The following EXOC4 variants were observed in gnomAD, a reference collection of about 807,000 sequenced individuals.
The protein encoded by EXOC4 is exocyst complex component 4.
In EXOC4, 71 loss-of-function variants were observed where a neutral mutation model predicts 107.2. The observed-to-expected ratio is 0.66, with a 90% CI of 0.55 to 0.81. EXOC4 has a LOEUF of 0.81. EXOC4 is among the 30% of genes least tolerant of loss of function. The pLI, the probability that EXOC4 is intolerant of heterozygous loss-of-function variation, is 0.00. For missense variants in EXOC4, 1,108 were observed against 1,189.6 expected (o/e 0.93, Z 1.01); for synonymous variants, 456 against 441.2 (o/e 1.03, Z -0.42).
chr7:133,467,787 A>G (rs1471658418), intron 7 of EXOC4, among the ~76,000 whole-genome samples: 3 of 151,834 alleles, frequency 2.0e-5, no homozygotes, highest in Non-Finnish European at 4.4e-5. Context: ...CACACATTCT[A>G]AGATTCAATT....
At chr7:133,790,105 C>T (rs560174780) in intron 10 of EXOC4, among the ~76,000 whole-genome samples, 1 of 152,350 alleles carries the variant, frequency 6.6e-6, no homozygotes, top group African/African-American at 2.4e-5. Context: ...AGAACCTGAT[C>T]TTCCCAGCAG....
At chr7:133,388,234 T>C (rs1796772348) in intron 7 of EXOC4, among the ~76,000 whole-genome samples, 1 of 152,224 alleles carries the variant, frequency 6.6e-6, no homozygotes, top group South Asian at 2.1e-4. Context: ...TGACTGATAC[T>C]GTTTTCTATC....
chr7:134,023,497 T>C (rs771657159), intron 17 of EXOC4, among the ~76,000 whole-genome samples: 3 of 152,200 alleles, frequency 2.0e-5, no homozygotes, highest in African/African-American at 4.8e-5. Flanking sequence ...GTATAACTTA[T>C]GTGATTTACA....
intron 10 of EXOC4, among the ~76,000 whole-genome samples, chr7:133,787,725 A>G (rs1001172234): frequency 1.4e-4 from 21 of 151,112 alleles, no homozygotes; most frequent in African/African-American, 5.1e-4. Flanking sequence ...GTTTGTTCTC[A>G]TAAGGGCACT....
intron 10 of EXOC4, among the ~76,000 whole-genome samples, chr7:133,666,400 G>T (rs1299018847): frequency 6.6e-6 from 1 of 152,104 alleles, no homozygotes; most frequent in African/African-American, 2.4e-5. Context: ...CTGGTGTACA[G>T]ATTGATAGCC....
At chr7:133,651,920 T>C (rs1382393656) in intron 10 of EXOC4, among the ~76,000 whole-genome samples, 1 of 152,202 alleles carries the variant, frequency 6.6e-6, no homozygotes, top group Non-Finnish European at 1.5e-5. Flanking sequence ...CCTCAGGTGA[T>C]CTGCCTGCCT....
the EXOC4 span, among the ~76,000 whole-genome samples, chr7:134,084,794 A>G: frequency 6.6e-6 from 1 of 152,080 alleles, no homozygotes; most frequent in Admixed American, 6.6e-5. Flanking sequence ...TAAAAGAAAA[A>G]CTTCAGCCAA....
intron 17 of EXOC4, among the ~76,000 whole-genome samples, chr7:134,050,137 A>G (rs895941302): frequency 2.0e-5 from 3 of 152,238 alleles, no homozygotes; most frequent in East Asian, 1.9e-4. Context: ...GACTGCTTCT[A>G]TATGTATAAA....
chr7:133,462,596 T>G (rs1229082605), intron 7 of EXOC4, among the ~76,000 whole-genome samples: 1 of 152,188 alleles, frequency 6.6e-6, no homozygotes, highest in Non-Finnish European at 1.5e-5. Context: ...AACATCTGAA[T>G]GGAGGAAAAG....
intron 9 of EXOC4, among the ~76,000 whole-genome samples, chr7:133,487,737 G>A (rs922755539): frequency 2.6e-5 from 4 of 151,996 alleles, no homozygotes; most frequent in Admixed American, 6.6e-5. Context: ...CAAAAAAAAC[G>A]AAATTTGTGT....
intron 7 of EXOC4, among the ~76,000 whole-genome samples, chr7:133,462,370 A>T (rs767420772): frequency 1.3e-5 from 2 of 152,216 alleles, no homozygotes; most frequent in African/African-American, 2.4e-5. Flanking sequence ...CCAGCATGTT[A>T]CAGATTTACA....
intron 3 of EXOC4, 110 bp downstream of exon 3, chr7:133,289,226 G>A: frequency 2.3e-6 from 2 of 877,790 alleles, no homozygotes; most frequent in Non-Finnish European, 1.7e-6. Flanking sequence ...CTGCCCTCTT[G>A]GGATTCATGA....
At chr7:133,630,581 A>G (rs1585042914) in intron 10 of EXOC4, among the ~76,000 whole-genome samples, 2 of 152,104 alleles carry the variant, frequency 1.3e-5, no homozygotes, top group African/African-American at 4.8e-5. Flanking sequence ...TTTAATTGCA[A>G]CAGGACTCAT....
chr7:133,505,101 G>T (rs1001987105), intron 9 of EXOC4, among the ~76,000 whole-genome samples: 1 of 152,108 alleles, frequency 6.6e-6, no homozygotes, highest in Non-Finnish European at 1.5e-5. Flanking sequence ...TCTAGACTCT[G>T]CATAAGGAAA....
intron 9 of EXOC4, among the ~76,000 whole-genome samples, chr7:133,482,019 GTATCCTAATT>G (rs1228454358): frequency 6.6e-6 from 1 of 152,104 alleles, no homozygotes; most frequent in Admixed American, 6.5e-5. Context: ...CACACTCACG[GTATCCTAATT>G]TTAATTTCTC....
intron 13 of EXOC4, 23 bp from the exon 14 acceptor site, chr7:133,937,868 T>C: frequency 1.2e-6 from 2 of 1,613,446 alleles, no homozygotes; most frequent in Admixed American, 1.7e-5. Context: ...ATATATGAAG[T>C]GTGTTTCTGA....
At chr7:133,436,895 C>T (rs1051591788) in intron 7 of EXOC4, among the ~76,000 whole-genome samples, 3 of 151,854 alleles carry the variant, frequency 2.0e-5, no homozygotes, top group Admixed American at 1.3e-4. Flanking sequence ...GTGTCAATTT[C>T]CTGGAGGCAT....
At chr7:133,684,455 A>T (rs1224585854) in intron 10 of EXOC4, among the ~76,000 whole-genome samples, 4 of 152,140 alleles carry the variant, frequency 2.6e-5, no homozygotes, top group Non-Finnish European at 1.5e-5. Context: ...ATTTGGTTTG[A>T]TAAGGTAGAA....
chr7:133,883,320 CTTTT>C (rs61066187), intron 11 of EXOC4, among the ~76,000 whole-genome samples: 6 of 132,276 alleles, frequency 4.5e-5, no homozygotes, highest in Non-Finnish European at 6.5e-5. Flanking sequence ...ATGAGAATTG[CTTTT>C]TTTTTTTTTT....
Sources: gnomAD v4.1 joint callset for allele counts (sites outside exome capture counted in the v4.1 genomes callset) on GRCh38, gnomAD v4.1.1 for gene constraint, MANE v1.5 for transcripts, NCBI Gene and HGNC (gene_info 2026-07-23, HGNC 2026-07-21) for gene names.